The following ENTPD1 variants were observed in gnomAD, a reference collection of about 807,000 sequenced individuals.
The protein encoded by ENTPD1 is ectonucleoside triphosphate diphosphohydrolase 1.
ENTPD1 carries 33 observed loss-of-function variants against 57.0 expected under a neutral mutation model. The ratio of observed to expected loss-of-function variants is 0.58; its 90% CI spans 0.44 to 0.77. ENTPD1 has a LOEUF of 0.77. Ranked by LOEUF, ENTPD1 falls within the 30% of genes least tolerant of loss-of-function variation. ENTPD1 has a pLI of 0.00. For missense variants in ENTPD1, 501 were observed against 603.4 expected, an observed-to-expected ratio of 0.83 and a Z score of 1.78; for synonymous variants, 202 against 218.8, an observed-to-expected ratio of 0.92 and a Z score of 0.68.
At chr10:95,696,319 C>CA in the ENTPD1 span, among the ~76,000 whole-genome samples, 1 of 152,134 alleles carries the variant, frequency 6.6e-6, no homozygotes, top group Admixed American at 6.5e-5. Context: ...CTTGCCCTGT[C>CA]ACCCAGGCTG....
chr10:95,864,703 TC>T lies in ENTPD1; in HGVS notation c.1189-16del. On this transcript the variant is annotated intron_variant, in intron 8 of 9. Transcript: ENST00000371205. ...AGGTGCCTATCATACGAGTATGATC[TC>T]CCCCTCACTTCACTTCTAGATAAAA... 5 of 1,613,844 alleles carry T rather than the reference TC, an allele frequency of 3.1e-6. No individual in the cohort carries two copies. The highest frequency in any genetic ancestry group is 4.2e-6 in the Non-Finnish European group (5 of 1,179,892).
intron 1 of ENTPD1, among the ~76,000 whole-genome samples, chr10:95,766,726 A>T (rs1247140802): frequency 5.9e-5 from 9 of 151,878 alleles, no homozygotes; most frequent in Admixed American, 2.6e-4. Context: ...GTTCACATTT[A>T]TTTTATCTGC....
chr10:95,824,355 G>T (rs764780415), intron 2 of ENTPD1, among the ~76,000 whole-genome samples: 1 of 152,214 alleles, frequency 6.6e-6, no homozygotes, highest in Non-Finnish European at 1.5e-5. Context: ...CTGGAAGGAT[G>T]GTTGTGTATG....
At chr10:95,731,821 C>T (rs7073436) in intron 1 of ENTPD1, among the ~76,000 whole-genome samples, 4,553 of 93,190 alleles carry the variant, frequency 0.049, 106 homozygotes, top group Middle Eastern at 0.071. Context: ...CTTGCTCTGT[C>T]GCCCAGGCTG....
At chr10:95,741,585 G>A (rs886091511) in intron 1 of ENTPD1, among the ~76,000 whole-genome samples, 5 of 152,178 alleles carry the variant, frequency 3.3e-5, no homozygotes, top group Non-Finnish European at 7.3e-5. Context: ...TGTAAAAATC[G>A]CAACGTCTGT....
chr10:95,698,203 G>A, the ENTPD1 span, among the ~76,000 whole-genome samples: 1 of 152,222 alleles, frequency 6.6e-6, no homozygotes, highest in East Asian at 1.9e-4. Context: ...TGGCTGAACT[G>A]TGTCCATGCC....
chr10:95,870,679 G>C lies in ENTPD1; in HGVS notation c.*4296G>C. On this transcript the variant is annotated 3_prime_UTR_variant, in exon 10 of 10. Coordinates refer to ENST00000371205, the MANE Select transcript of ENTPD1 (RefSeq NM_001776.6). ...TTATTGTCAGTTTAAAAGATGAACTGAGTTTCACCCAAACTGGTCTGGCCC... is the reference window on the plus strand; with the variant it reads ...TTATTGTCAGTTTAAAAGATGAACTCAGTTTCACCCAAACTGGTCTGGCCC... 1 of 985,420 alleles carries C rather than the reference G, an allele frequency of 1.0e-6. No individual in the cohort carries two copies. The highest frequency in any genetic ancestry group is 6.1e-5 in the Admixed American group (1 of 16,286). 61.0% of individuals were successfully genotyped at this position (985,420 alleles called of 1,614,324 possible). A position where few individuals can be genotyped will look rare whatever the true frequency, so the allele number is the denominator to read the frequency against.
In ENTPD1 at chr10:95,870,094, A is replaced by G. The variant is rs1227321345; in HGVS notation, c.*3711A>G. The G allele has an allele frequency of 1.0e-6, 1 of 985,260 alleles. No individual in the cohort carries two copies. The highest frequency in any genetic ancestry group is 1.7e-5 in the African/African-American group (1 of 57,230). The allele number at this position is 985,260 out of a possible 1,614,324, so 61.0% of individuals were successfully genotyped here. On this transcript the variant is annotated 3_prime_UTR_variant, in exon 10 of 10. Transcript: ENST00000371205. ...ATTTATTATATATGACATTATTCCT[A>G]AAAAAGCTTTTGAGATCCTAGGTTG...
rs1201770387 is a variant in ENTPD1 at position 95,876,855 on chromosome 10, G to A, written c.*10472G>A. ...AGATTCAGACTTCATGAAGAGCACTGCGCTATAATAAAAGAAGAAATGAGC... is the reference window on the plus strand; with the variant it reads ...AGATTCAGACTTCATGAAGAGCACTACGCTATAATAAAAGAAGAAATGAGC... On this transcript the variant is annotated 3_prime_UTR_variant, in exon 10 of 10. Coordinates refer to ENST00000371205, the MANE Select transcript of ENTPD1 (RefSeq NM_001776.6). Among the ~76,000 whole-genome samples, 2 of 152,192 alleles carry A rather than the reference G, an allele frequency of 1.3e-5. No homozygotes were observed. Among genetic ancestry groups the A allele is most frequent in the African/African-American group, 4.8e-5 (2 of 41,438 alleles).
At chr10:95,774,843 A>G (rs898994113) in intron 1 of ENTPD1, among the ~76,000 whole-genome samples, 1 of 152,202 alleles carries the variant, frequency 6.6e-6, no homozygotes, top group African/African-American at 2.4e-5. Flanking sequence ...GGAACTTTAA[A>G]GTAGTTTTTT....
In ENTPD1 at chr10:95,773,214, G is replaced by A. The variant is rs1263473355; in HGVS notation, c.16+16959G>A. ...CCCATGACCAAACACCTCCCATTTG[G>A]CCCCACCTCTAACACTGGGGATAAA... On this transcript the variant is annotated intron_variant, in intron 1 of 9. Transcript: ENST00000371205. Among the ~76,000 whole-genome samples, 4 of 152,146 alleles carry A rather than the reference G, an allele frequency of 2.6e-5. No individual in the cohort carries two copies. In the East Asian group the frequency reaches 7.7e-4, roughly 29 times the overall value.
chr10:95,852,471 T>C (rs1395497192), intron 7 of ENTPD1, among the ~76,000 whole-genome samples: 3 of 152,238 alleles, frequency 2.0e-5, no homozygotes, highest in Admixed American at 6.5e-5. Context: ...TTTGTTGCCA[T>C]TGCTTTTGGT....
At chr10:95,751,148 A>G (rs1298051760), upstream of ENTPD1, among the ~76,000 whole-genome samples, 2 of 152,240 alleles carry the variant, frequency 1.3e-5, no homozygotes, top group East Asian at 1.9e-4. Flanking sequence ...GAGTCCTTAC[A>G]TATTCGATGA....
At chr10:95,821,545 A>C (rs577859821) in intron 1 of ENTPD1, among the ~76,000 whole-genome samples, 4 of 152,316 alleles carry the variant, frequency 2.6e-5, no homozygotes, top group African/African-American at 7.2e-5. Context: ...AATTACACAG[A>C]CAAGTCCATC....
chr10:95,737,950 C>G (rs2097996442), intron 1 of ENTPD1, among the ~76,000 whole-genome samples: 3 of 152,084 alleles, frequency 2.0e-5, no homozygotes, highest in Admixed American at 1.3e-4. Flanking sequence ...GCTGGGGTAC[C>G]TGGAGCATCT....
chr10:95,851,512 G>A (rs887344088), intron 7 of ENTPD1, among the ~76,000 whole-genome samples: 1 of 151,738 alleles, frequency 6.6e-6, no homozygotes, highest in Non-Finnish European at 1.5e-5. Flanking sequence ...CATACGCCAT[G>A]TTGGTGTGCT....
At chr10:95,858,156 C>CAA (rs35825117) in intron 7 of ENTPD1, among the ~76,000 whole-genome samples, 36 of 110,024 alleles carry the variant, frequency 3.3e-4, no homozygotes, top group East Asian at 1.8e-3. Flanking sequence ...GACTCCATCT[C>CAA]AAAAAAAAAA....
intron 1 of ENTPD1, among the ~76,000 whole-genome samples, chr10:95,762,621 G>T (rs2098070362): frequency 6.6e-6 from 1 of 152,120 alleles, no homozygotes; most frequent in Admixed American, 6.5e-5. Flanking sequence ...TCCTGTTATT[G>T]AATATTGAGG....
intron 1 of ENTPD1, among the ~76,000 whole-genome samples, chr10:95,738,587 CTGTTGG>C (rs2097997061): frequency 6.6e-6 from 1 of 152,160 alleles, no homozygotes; most frequent in Non-Finnish European, 1.5e-5. Context: ...AATGCATACC[CTGTTGG>C]TGAGATGGAG....
Sources: allele counts gnomAD v4.1 joint callset (sites outside exome capture counted in the v4.1 genomes callset), GRCh38; gene constraint gnomAD v4.1.1; transcripts MANE v1.5; gene names NCBI Gene and HGNC (gene_info 2026-07-23, HGNC 2026-07-21).